VCPIP1: variants seen among roughly 807,000 people sequenced by gnomAD.
VCPIP1 encodes the protein deubiquitinating protein VCPIP1.
VCPIP1 carries 8 observed loss-of-function variants against 85.0 expected under a neutral mutation model. That is an observed-to-expected ratio of 0.09 (90% CI 0.06 to 0.17). The LOEUF (loss-of-function observed/expected upper bound fraction) is 0.17. Among genes scored for constraint, VCPIP1 ranks in the 10% least tolerant of loss-of-function variants. The pLI, the probability that VCPIP1 is intolerant of heterozygous loss-of-function variation, is 1.00. For missense variants in VCPIP1, 1,070 were observed against 1,486.3 expected (o/e 0.72, Z 4.61); for synonymous variants, 543 against 544.5 (o/e 1.00, Z 0.04).
At chr8:66,653,871 T>C (rs565495945) in intron 1 of VCPIP1, among the ~76,000 whole-genome samples, 2 of 152,326 alleles carry the variant, frequency 1.3e-5, no homozygotes, top group East Asian at 3.9e-4. Flanking sequence ...CTTAGTTTTA[T>C]ATATTAATCA....
Position 66,635,010 on chromosome 8 carries a change from G to A in VCPIP1, c.3160C>T (p.His1054Tyr). The change falls in exon 3 of 3, where the codon CAT becomes TAT. Residue 1054 changes from histidine to tyrosine, a missense_variant. Transcript: ENST00000310421. ...TTACTAAAGTCTGTCCCTGTATTAT[G>A]CTTTCTTACAACTGAAGTTTCCCTA... Reference protein sequence around the residue: ...RARETSVVRKHNTGTDFSNSS... With the variant: ...RARETSVVRKYNTGTDFSNSS... 1 of 1,613,494 alleles carries A rather than the reference G, an allele frequency of 6.2e-7. No individual in the cohort carries two copies. The highest frequency in any genetic ancestry group is 2.2e-5 in the East Asian group (1 of 44,894).
At chr8:66,636,137 G>A (rs563767453) in intron 2 of VCPIP1, among the ~76,000 whole-genome samples, 4 of 149,442 alleles carry the variant, frequency 2.7e-5, no homozygotes, top group African/African-American at 2.5e-5. Flanking sequence ...GCTGAGGCAG[G>A]AGAATTGCTT....
intron 1 of VCPIP1, among the ~76,000 whole-genome samples, chr8:66,660,498 C>T (rs546478849): frequency 8.5e-5 from 13 of 152,284 alleles, no homozygotes; most frequent in African/African-American, 2.4e-4. Flanking sequence ...TAAACTTAAA[C>T]GAGAAAGAAC....
chr8:66,659,493 G>C (rs2130178437), intron 1 of VCPIP1, among the ~76,000 whole-genome samples: 1 of 152,232 alleles, frequency 6.6e-6, no homozygotes. Context: ...TAGGTTCCAT[G>C]AATGACTTGT....
chr8:66,635,585 A>AT (rs920909836), intron 2 of VCPIP1, among the ~76,000 whole-genome samples: 2 of 152,130 alleles, frequency 1.3e-5, no homozygotes, highest in African/African-American at 2.4e-5. Context: ...TTTTAAAAAA[A>AT]TTTTTTTGCT....
At chr8:66,663,923 G>A (rs1811180814) in intron 1 of VCPIP1, among the ~76,000 whole-genome samples, 1 of 152,102 alleles carries the variant, frequency 6.6e-6, no homozygotes, top group Admixed American at 6.5e-5. Flanking sequence ...AAGGTAGGCA[G>A]GATCAATAGA....
chr8:66,664,131 A>C, intron 1 of VCPIP1, 118 bp downstream of exon 1: 21 of 1,270,276 alleles, frequency 1.7e-5, no homozygotes, highest in Non-Finnish European at 2.2e-5. Flanking sequence ...TTCTCTCCTG[A>C]AATATATAAT....
intron 2 of VCPIP1, among the ~76,000 whole-genome samples, chr8:66,646,821 C>T (rs1475578994): frequency 6.6e-6 from 1 of 151,102 alleles, no homozygotes; most frequent in Non-Finnish European, 1.5e-5. Context: ...TACAGAAGTT[C>T]GAGACCAGCC....
chr8:66,642,851 C>T (rs1810960564), intron 2 of VCPIP1, among the ~76,000 whole-genome samples: 1 of 151,686 alleles, frequency 6.6e-6, no homozygotes, highest in Non-Finnish European at 1.5e-5. Flanking sequence ...AAATTATTTG[C>T]AGTTGCATGG....
At position 66,665,719 on chromosome 8, in the gene VCPIP1, C is replaced by T; in HGVS notation, c.1240G>A (p.Val414Ile). Reference protein sequence around the residue: ...SLQDKYLLRLVAAMEEVFMDK... With the variant: ...SLQDKYLLRLIAAMEEVFMDK... ...ATAAAGACTTCTTCCATAGCAGCAA[C>T]AAGCCTAAGTAAGTATTTATCTTGC... The change falls in exon 1 of 3, where the codon GTT becomes ATT. Residue 414 changes from valine (V) to isoleucine (I), a missense_variant. Physicochemically the swap from Val to Ile is conservative, Grantham distance 29. Around this residue, in one of 8 missense-constraint regions of VCPIP1, gnomAD observed 83 missense variants for 134.6 expected, o/e 0.62. Coordinates refer to ENST00000310421, the MANE Select transcript of VCPIP1 (RefSeq NM_025054.5). This position sits in a 1 kb window ranked among gnomAD's most constrained non-coding sequence, Gnocchi z 4.3. 5.6e-6 allele frequency: 9 copies of T among 1,614,142 alleles called. No homozygotes were observed. Among genetic ancestry groups the T allele is most frequent in the Non-Finnish European group, 6.8e-6 (8 of 1,180,022 alleles).
At chr8:66,642,434 A>C (rs1262177234) in intron 2 of VCPIP1, among the ~76,000 whole-genome samples, 1 of 151,676 alleles carries the variant, frequency 6.6e-6, no homozygotes, top group South Asian at 2.1e-4. Context: ...TTTGCTTTTT[A>C]TTTTTTTCTC....
chr8:66,651,804 T>C (rs1291892749), intron 1 of VCPIP1, among the ~76,000 whole-genome samples: 1 of 152,150 alleles, frequency 6.6e-6, no homozygotes, highest in Non-Finnish European at 1.5e-5. Context: ...ATGTGGCTTT[T>C]CAAGAGAAGC....
Position 66,665,386 on chromosome 8 carries a change from C to T in VCPIP1, c.1573G>A (p.Val525Ile). 1.2e-6 allele frequency: 2 copies of T among 1,614,200 alleles called. No individual in the cohort carries two copies. Among genetic ancestry groups the T allele is most frequent in the Non-Finnish European group, 1.7e-6 (2 of 1,180,028 alleles). The change falls in exon 1 of 3, where the codon GTT becomes ATT. Residue 525 changes from valine (V) to isoleucine (I), a missense_variant. Val to Ile is a conservative substitution (Grantham distance 29, BLOSUM62 3). Coordinates refer to ENST00000310421, the MANE Select transcript of VCPIP1 (RefSeq NM_025054.5). The surrounding 1 kb of genome is among the most constrained non-coding windows in gnomAD (Gnocchi z 4.3). ...LVCSYDSVKD[V>I]LVPDYGMSNL... The stretch of plus-strand genomic sequence containing the variant: ...CTCATTCCATAGTCTGGTACCAGAA[C>T]ATCTTTCACTGAATCATATGAGCAA...
intron 1 of VCPIP1, among the ~76,000 whole-genome samples, chr8:66,663,807 G>T (rs1235087365): frequency 6.6e-6 from 1 of 152,170 alleles, no homozygotes; most frequent in East Asian, 1.9e-4. Flanking sequence ...CTAGGTGGGA[G>T]TGCAGTGAGA....
At position 66,664,709 on chromosome 8, in the gene VCPIP1, G is replaced by A. The variant is rs933176767; in HGVS notation, c.2250C>T (p.Thr750=). The part of the protein sequence containing the change: ...KGQPRTVSPS[T]IRDGPSSAPA... ...GTGCAGAGGATGGACCATCACGAAT[G>A]GTACTGGGAGAAACAGTCCTGGGTT... is the stretch of plus-strand genomic sequence containing the variant. The change falls in exon 1 of 3, where the codon ACC becomes ACT. Residue 750 remains threonine, a synonymous_variant. Coordinates refer to ENST00000310421, the MANE Select transcript of VCPIP1 (RefSeq NM_025054.5). The A allele has an allele frequency of 6.2e-7, 1 of 1,613,584 alleles. No homozygotes were observed. The highest frequency in any genetic ancestry group is 8.5e-7 in the Non-Finnish European group (1 of 1,179,838).
In VCPIP1 at chr8:66,665,336, G is replaced by A; in HGVS notation, c.1623C>T (p.Cys541=). The change falls in exon 1 of 3, where the codon TGC becomes TGT. Residue 541 remains cysteine, a synonymous_variant. Transcript: ENST00000310421. This position sits in a 1 kb window ranked among gnomAD's most constrained non-coding sequence, Gnocchi z 4.3. Reference sequence around the variant, plus strand: ...TGACCTTTCGCACAGATGTGCCATGGCACCAATTACAAGCTGTTAGGTTAC... The same window carrying A: ...TGACCTTTCGCACAGATGTGCCATGACACCAATTACAAGCTGTTAGGTTAC... ...GMSNLTACNW[C]HGTSVRKVRG... is the part of the protein sequence containing the mutation. The A allele has an allele frequency of 6.2e-7, 1 of 1,613,854 alleles. No individual in the cohort carries two copies. Among genetic ancestry groups the A allele is most frequent in the South Asian group, 1.1e-5 (1 of 91,066 alleles).
intron 1 of VCPIP1, among the ~76,000 whole-genome samples, chr8:66,663,500 T>C (rs530706431): frequency 6.6e-6 from 1 of 152,342 alleles, no homozygotes; most frequent in Admixed American, 6.5e-5. Context: ...CTGTAAAAAG[T>C]ACACCATTGA....
chr8:66,639,453 C>G lies in VCPIP1; in HGVS notation c.2798-4081G>C, dbSNP rs376356900. On this transcript the variant is annotated intron_variant, in intron 2 of 2. Coordinates refer to ENST00000310421, the MANE Select transcript of VCPIP1 (RefSeq NM_025054.5). ...CACTGCAGCCTCCTCCTCCCAGGTT[C>G]AAGCGATTCTCATGCCTCAGCCTCC... Among the ~76,000 whole-genome samples the G allele has an allele frequency of 7.0e-5, 10 of 143,232 alleles. No individual in the cohort carries two copies. In the East Asian group the frequency reaches 2.2e-3, roughly 31 times the overall value. The allele number at this position is 143,232 out of a possible 152,430, so 94.0% of individuals were successfully genotyped here.
intron 2 of VCPIP1, among the ~76,000 whole-genome samples, chr8:66,642,282 GTTAT>G (rs781020734): frequency 9.2e-5 from 14 of 152,106 alleles, no homozygotes; most frequent in Non-Finnish European, 1.8e-4. Flanking sequence ...ATTTTTAACT[GTTAT>G]TTGTCTTTTT....
Sources: allele counts gnomAD v4.1 joint callset (sites outside exome capture counted in the v4.1 genomes callset), GRCh38; gene constraint gnomAD v4.1.1; regional missense constraint gnomAD v4.1.1; non-coding constraint Gnocchi (gnomAD v3.1); transcripts MANE v1.5; gene names NCBI Gene and HGNC (gene_info 2026-07-23, HGNC 2026-07-21).